The following TRPC4AP variants were observed in gnomAD, a reference collection of about 807,000 sequenced individuals.
TRPC4AP encodes transient receptor potential cation channel subfamily C member 4 associated protein, also known as short transient receptor potential channel 4-associated protein.
A neutral mutation model predicts 99.0 loss-of-function variants in TRPC4AP; 45 were observed. The ratio of observed to expected loss-of-function variants is 0.45; its 90% confidence interval spans 0.36 to 0.58. The LOEUF (loss-of-function observed/expected upper bound fraction) is 0.58. TRPC4AP is among the 20% of genes least tolerant of loss of function. The pLI is 0.00. For missense variants in TRPC4AP, 879 were observed against 985.3 expected (o/e 0.89, Z 1.44); for synonymous variants, 408 against 385.8 (o/e 1.06, Z -0.67).
At chr20:35,015,218 C>A (rs1008738697) in intron 10 of TRPC4AP, among the ~76,000 whole-genome samples, 6 of 152,104 alleles carry the variant, frequency 3.9e-5, no homozygotes, top group Non-Finnish European at 5.9e-5. Flanking sequence ...CCAGGCTGGT[C>A]TCGAACTCCT....
At chr20:35,078,003 C>A in intron 2 of TRPC4AP, 43 bp downstream of exon 2, 1 of 1,552,148 alleles carries the variant, frequency 6.4e-7, no homozygotes, top group Non-Finnish European at 8.7e-7. Context: ...CTTGTGTCAC[C>A]TAGAGGCCCT....
intron 3 of TRPC4AP, among the ~76,000 whole-genome samples, chr20:35,069,087 T>C (rs2084234512): frequency 6.6e-6 from 1 of 152,154 alleles, no homozygotes; most frequent in South Asian, 2.1e-4. Flanking sequence ...CTTAGTATTT[T>C]TTTAAAAAGG....
chr20:35,038,160 A>G (rs1458542785), intron 7 of TRPC4AP, among the ~76,000 whole-genome samples: 7 of 150,606 alleles, frequency 4.6e-5, no homozygotes, highest in Non-Finnish European at 1.5e-5. Flanking sequence ...TAGCTGCACA[A>G]CACTGTAAAT....
chr20:35,021,656 G>A (rs1046509310), intron 8 of TRPC4AP, among the ~76,000 whole-genome samples: 10 of 152,124 alleles, frequency 6.6e-5, no homozygotes. Context: ...CCCTTCTCCT[G>A]CCACCAACCA....
intron 8 of TRPC4AP, among the ~76,000 whole-genome samples, chr20:35,025,567 C>T (rs185766924): frequency 1.1e-3 from 172 of 152,186 alleles, no homozygotes; most frequent in African/African-American, 3.4e-3. Flanking sequence ...TTTGGAGAAA[C>T]ATCTATTCAG....
At chr20:35,006,676 G>A in intron 14 of TRPC4AP, 101 bp from the exon 15 acceptor site, 4 of 1,448,402 alleles carry the variant, frequency 2.8e-6, no homozygotes, top group South Asian at 2.6e-5. Flanking sequence ...AGCATCCTGG[G>A]GATGGAACTG....
chr20:35,068,266 G>T (rs1398088267), intron 3 of TRPC4AP, among the ~76,000 whole-genome samples: 1 of 152,132 alleles, frequency 6.6e-6, no homozygotes, highest in Non-Finnish European at 1.5e-5. Context: ...CAGTATGTTG[G>T]TGATGGTATG....
At chr20:35,090,894 T>C (rs1408070236) in intron 1 of TRPC4AP, among the ~76,000 whole-genome samples, 3 of 151,628 alleles carry the variant, frequency 2.0e-5, no homozygotes, top group African/African-American at 7.3e-5. Context: ...GAAGCATAAC[T>C]CAAAAGCTTG....
At chr20:35,085,055 A>G (rs149056638) in intron 1 of TRPC4AP, among the ~76,000 whole-genome samples, 77 of 152,316 alleles carry the variant, frequency 5.1e-4, no homozygotes, top group Admixed American at 7.2e-4. Flanking sequence ...AAGTGAAAAG[A>G]AACAGCTTTA....
chr20:35,046,220 A>G (rs1023936921), intron 6 of TRPC4AP, among the ~76,000 whole-genome samples: 14 of 152,324 alleles, frequency 9.2e-5, no homozygotes, highest in African/African-American at 2.9e-4. Context: ...TATATAGTTT[A>G]TAAGTTTTCC....
At chr20:35,024,854 A>AAAAAAAAAAAAACAAAAAAAAAACAT (rs1479270980) in intron 8 of TRPC4AP, among the ~76,000 whole-genome samples, 1 of 89,480 alleles carries the variant, frequency 1.1e-5, no homozygotes, top group African/African-American at 3.9e-5. Flanking sequence ...AAAAAAAAAA[A>AAAAAAAAAAAAACAAAAAAAAAACAT]ATTCTGTTTA....
intron 12 of TRPC4AP, 132 bp downstream of exon 12, chr20:35,010,055 G>A (rs2082598221): frequency 2.9e-6 from 2 of 678,276 alleles, no homozygotes; most frequent in Non-Finnish European, 5.2e-6. Context: ...CTGGCACACA[G>A]GAGCCCTCAG....
chr20:35,058,684 A>AT (rs1327563130), intron 3 of TRPC4AP, among the ~76,000 whole-genome samples: 108 of 107,256 alleles, frequency 1.0e-3, no homozygotes, highest in Non-Finnish European at 1.5e-3. Context: ...TTAAAAGAAA[A>AT]TTCTTTTTTT....
intron 1 of TRPC4AP, among the ~76,000 whole-genome samples, chr20:35,087,653 G>A (rs1318344032): frequency 6.6e-6 from 1 of 152,130 alleles, no homozygotes; most frequent in African/African-American, 2.4e-5. Context: ...TCTATCAACT[G>A]CAATGAGATG....
At chr20:35,035,024 G>A in intron 8 of TRPC4AP, 99 bp downstream of exon 8, 1 of 1,331,510 alleles carries the variant, frequency 7.5e-7, no homozygotes, top group Non-Finnish European at 1.0e-6. Flanking sequence ...TCTACTCTGA[G>A]CAAATCTCAA....
At chr20:35,078,326 C>CA (rs1600656171) in intron 1 of TRPC4AP, 152 bp from the exon 2 acceptor site, 2 of 705,944 alleles carry the variant, frequency 2.8e-6, no homozygotes, top group East Asian at 5.6e-5. Flanking sequence ...TATAAATCTT[C>CA]AAAACCTCCC....
At chr20:35,011,812 C>A (rs1435222578) in intron 11 of TRPC4AP, among the ~76,000 whole-genome samples, 4 of 152,246 alleles carry the variant, frequency 2.6e-5, no homozygotes, top group Non-Finnish European at 5.9e-5. Context: ...CAGGTCTTGG[C>A]TGGCAAGCCA....
intron 12 of TRPC4AP, among the ~76,000 whole-genome samples, chr20:35,009,240 G>C (rs2082580349): frequency 2.0e-5 from 3 of 152,232 alleles, no homozygotes; most frequent in East Asian, 3.8e-4. Flanking sequence ...GAAGGAAGAC[G>C]GCCAGGCACG....
At chr20:35,008,432 A>AG (rs2147267726) in intron 13 of TRPC4AP, among the ~76,000 whole-genome samples, 1 of 152,318 alleles carries the variant, frequency 6.6e-6, no homozygotes, top group Non-Finnish European at 1.5e-5. Context: ...ATAAGGCACC[A>AG]GCACAGAACA....
Sources: allele counts gnomAD v4.1 joint callset (sites outside exome capture counted in the v4.1 genomes callset), GRCh38; gene constraint gnomAD v4.1.1; transcripts MANE v1.5; gene names NCBI Gene and HGNC (gene_info 2026-07-23, HGNC 2026-07-21).